The following KLHL20 variants were observed in gnomAD, a reference collection of about 807,000 sequenced individuals.
KLHL20 encodes kelch-like protein 20.
A neutral mutation model predicts 69.5 loss-of-function variants in KLHL20; 29 were observed. That is an observed-to-expected ratio of 0.42 (90% CI 0.31 to 0.57). The LOEUF is 0.57. Among genes scored for constraint, KLHL20 ranks in the 20% least tolerant of loss-of-function variants. The pLI is 0.18. For missense variants in KLHL20, 419 were observed against 776.0 expected, an observed-to-expected ratio of 0.54 and a Z score of 5.47; for synonymous variants, 253 against 265.2, an observed-to-expected ratio of 0.95 and a Z score of 0.45.
chr1:173,759,196 C>G (rs185604626), intron 7 of KLHL20, among the ~76,000 whole-genome samples: 5 of 152,082 alleles, frequency 3.3e-5, no homozygotes, highest in Non-Finnish European at 7.4e-5. Context: ...CTAGGAATCT[C>G]TTCCCCCATC....
At chr1:173,751,706 A>C in intron 3 of KLHL20, 58 bp from the exon 4 acceptor site, 1 of 1,544,796 alleles carries the variant, frequency 6.5e-7, no homozygotes, top group South Asian at 1.1e-5. Flanking sequence ...GAAGAAAAAC[A>C]CTGAGACAAT....
At chr1:173,774,488 C>T (rs1648323919) in intron 9 of KLHL20, 50 bp downstream of exon 9, 3 of 1,601,820 alleles carry the variant, frequency 1.9e-6, no homozygotes, top group Non-Finnish European at 2.6e-6. Flanking sequence ...GAACATTTTC[C>T]TGGAGAGTCC....
chr1:173,738,065 C>G (rs1176321673), intron 3 of KLHL20, among the ~76,000 whole-genome samples: 1 of 151,850 alleles, frequency 6.6e-6, no homozygotes, highest in African/African-American at 2.4e-5. Flanking sequence ...ATTTTGTACC[C>G]TGAAACTTTA....
chr1:173,746,791 CT>C (rs1253202694), intron 3 of KLHL20, among the ~76,000 whole-genome samples: 2 of 151,680 alleles, frequency 1.3e-5, no homozygotes, highest in Admixed American at 6.6e-5. Context: ...TTGGCTTATT[CT>C]TTTTCTAGCT....
chr1:173,759,055 T>G (rs1673680232), intron 7 of KLHL20, among the ~76,000 whole-genome samples: 1 of 151,650 alleles, frequency 6.6e-6, no homozygotes, highest in African/African-American at 2.4e-5. Flanking sequence ...ACCATGGGAG[T>G]GAGACCAGCC....
intron 10 of KLHL20, among the ~76,000 whole-genome samples, chr1:173,780,784 G>A (rs1648811446): frequency 6.6e-6 from 1 of 152,004 alleles, no homozygotes; most frequent in African/African-American, 2.4e-5. Flanking sequence ...AGGCTGGAGT[G>A]CAGTGTGCGA....
chr1:173,724,833 A>G (rs542090364), intron 2 of KLHL20, among the ~76,000 whole-genome samples: 10 of 152,316 alleles, frequency 6.6e-5, no homozygotes, highest in Admixed American at 5.9e-4. Context: ...TGTATCTTAT[A>G]TATTATCTGG....
At chr1:173,778,991 G>C (rs1648670886) in intron 10 of KLHL20, among the ~76,000 whole-genome samples, 1 of 151,188 alleles carries the variant, frequency 6.6e-6, no homozygotes, top group Non-Finnish European at 1.5e-5. Context: ...TTCTCATTTT[G>C]GATTTGGTTT....
At chr1:173,782,051 T>C in intron 10 of KLHL20, 73 bp from the exon 11 acceptor site, 2 of 1,015,030 alleles carry the variant, frequency 2.0e-6, no homozygotes, top group Non-Finnish European at 1.5e-6. Flanking sequence ...AATAGATTTA[T>C]CTAGAAACCA....
intron 4 of KLHL20, 133 bp from the exon 5 acceptor site, chr1:173,753,080 G>T: frequency 3.1e-6 from 2 of 653,444 alleles, no homozygotes; most frequent in Non-Finnish European, 5.3e-6. Context: ...GGCTGAGGTA[G>T]GCACATCACT....
chr1:173,755,490 T>C (rs908219302), intron 5 of KLHL20, among the ~76,000 whole-genome samples: 1 of 152,206 alleles, frequency 6.6e-6, no homozygotes, highest in African/African-American at 2.4e-5. Context: ...GTGTTTCTTT[T>C]CAGCAATCCG....
intron 2 of KLHL20, among the ~76,000 whole-genome samples, chr1:173,729,484 G>A (rs1016248283): frequency 6.6e-6 from 1 of 152,118 alleles, no homozygotes; most frequent in African/African-American, 2.4e-5. Flanking sequence ...ATAAAATACT[G>A]GCAAACCGAA....
intron 5 of KLHL20, among the ~76,000 whole-genome samples, chr1:173,755,489 T>G (rs1345687104): frequency 6.6e-6 from 1 of 152,244 alleles, no homozygotes; most frequent in Non-Finnish European, 1.5e-5. Flanking sequence ...AGTGTTTCTT[T>G]TCAGCAATCC....
intron 8 of KLHL20, among the ~76,000 whole-genome samples, chr1:173,773,485 G>A (rs1648243897): frequency 6.6e-6 from 1 of 151,170 alleles, no homozygotes; most frequent in South Asian, 2.1e-4. Context: ...TGTTAAGTAA[G>A]ATTGAAGTGT....
intron 7 of KLHL20, among the ~76,000 whole-genome samples, chr1:173,758,431 C>T (rs2102508660): frequency 6.6e-6 from 1 of 152,260 alleles, no homozygotes; most frequent in Non-Finnish European, 1.5e-5. Context: ...GGCTTGATTG[C>T]AAATGTTAGC....
intron 11 of KLHL20, among the ~76,000 whole-genome samples, chr1:173,784,682 A>C (rs1649092999): frequency 6.6e-6 from 1 of 152,198 alleles, no homozygotes; most frequent in South Asian, 2.1e-4. Flanking sequence ...ACTTTACTCA[A>C]ATCTGGTTTT....
chr1:173,764,412 G>A (rs1647541454), intron 7 of KLHL20, among the ~76,000 whole-genome samples: 2 of 148,270 alleles, frequency 1.3e-5, no homozygotes, highest in Non-Finnish European at 2.9e-5. Flanking sequence ...AATCGAAAAA[G>A]ATACTTGTAC....
chr1:173,741,999 C>T (rs531952425), intron 3 of KLHL20: 177 of 572,454 alleles, frequency 3.1e-4, no homozygotes, highest in Non-Finnish European at 4.5e-4. Flanking sequence ...AAAATTGTAA[C>T]TTGTATCATA....
intron 2 of KLHL20, 65 bp from the exon 3 acceptor site, chr1:173,733,648 T>C (rs928366882): frequency 1.5e-6 from 2 of 1,303,120 alleles, no homozygotes; most frequent in Non-Finnish European, 1.1e-6. Context: ...TTACAAACAT[T>C]TAAGGGGAGA....
Sources: allele counts gnomAD v4.1 joint callset (sites outside exome capture counted in the v4.1 genomes callset), GRCh38; gene constraint gnomAD v4.1.1; transcripts MANE v1.5; gene names NCBI Gene and HGNC (gene_info 2026-07-23, HGNC 2026-07-21).